The following WDR41 variants were observed in gnomAD, a reference collection of about 807,000 sequenced individuals.
WDR41 encodes the protein WD repeat domain 41, also known as WD repeat-containing protein 41.
WDR41 carries 63 observed loss-of-function variants against 69.3 expected under a neutral mutation model. The ratio of observed to expected loss-of-function variants is 0.91; its 90% CI spans 0.74 to 1.12. The LOEUF is 1.12. WDR41 is among the 50% of genes most tolerant of loss of function. The pLI, the probability that WDR41 is intolerant of heterozygous loss-of-function variation, is 0.00. For synonymous variants in WDR41, 185 were observed against 192.1 expected (o/e 0.96, Z 0.31); for missense variants, 543 against 534.5 (o/e 1.02, Z -0.16).
intron 1 of WDR41, among the ~76,000 whole-genome samples, chr5:77,573,088 C>T (rs1045024971): frequency 2.0e-5 from 3 of 152,298 alleles, no homozygotes; most frequent in Non-Finnish European, 2.9e-5. Flanking sequence ...TCACTACCCT[C>T]AAAGAACTTA....
chr5:77,537,355 C>T (rs987508), intron 1 of WDR41, among the ~76,000 whole-genome samples: 5,344 of 152,290 alleles, frequency 0.035, 218 homozygotes, highest in Admixed American at 0.11. Context: ...CCATGCAGAT[C>T]CACATGGGGA....
chr5:77,497,771 A>G (rs1801956589), intron 1 of WDR41, among the ~76,000 whole-genome samples: 1 of 152,224 alleles, frequency 6.6e-6, no homozygotes, highest in South Asian at 2.1e-4. Flanking sequence ...AATGAAAGCA[A>G]GGACTCAACA....
intron 1 of WDR41, among the ~76,000 whole-genome samples, chr5:77,529,798 T>C (rs1461747627): frequency 6.6e-6 from 1 of 151,654 alleles, no homozygotes; most frequent in Non-Finnish European, 1.5e-5. Flanking sequence ...TAAATGGTTC[T>C]GGAAAAATTG....
rs1258329064 is a variant in WDR41 at position 77,432,493 on chromosome 5, A to G, written c.*642T>C. ...CATGAGGGGCAGTTGTTGTTCTAGT[A>G]CCCATTTAGCCCATGGCTCTTCAAG... On this transcript the variant is annotated 3_prime_UTR_variant, in exon 13 of 13. Coordinates refer to ENST00000296679, the MANE Select transcript of WDR41 (RefSeq NM_018268.4). 6.6e-6 allele frequency: 1 copy of G among 152,320 alleles called. No individual in the cohort carries two copies. The highest frequency in any genetic ancestry group is 2.4e-5 in the African/African-American group (1 of 41,450). The allele number at this position is 152,320 out of a possible 1,614,324, so 9.4% of individuals were successfully genotyped here.
intron 4 of WDR41, among the ~76,000 whole-genome samples, chr5:77,460,430 G>A (rs1800003698): frequency 1.3e-5 from 2 of 152,110 alleles, no homozygotes; most frequent in African/African-American, 4.8e-5. Flanking sequence ...GTATCTCACA[G>A]CCTTTTCACT....
intron 1 of WDR41, chr5:77,545,655 CT>C: frequency 2.4e-6 from 1 of 421,764 alleles, no homozygotes; most frequent in Non-Finnish European, 4.2e-6. Flanking sequence ...AGATCATTGA[CT>C]TTTTCCTGGG....
At chr5:77,529,512 G>A (rs1001555837) in intron 1 of WDR41, among the ~76,000 whole-genome samples, 1 of 151,456 alleles carries the variant, frequency 6.6e-6, no homozygotes, top group Non-Finnish European at 1.5e-5. Context: ...AAAACTTTAC[G>A]AGTTGATTAT....
chr5:77,588,796 A>G (rs1464896333), intron 1 of WDR41, among the ~76,000 whole-genome samples: 1 of 150,904 alleles, frequency 6.6e-6, no homozygotes, highest in Non-Finnish European at 1.5e-5. Flanking sequence ...TTTTGTTTTA[A>G]AAAAAATCTT....
intron 1 of WDR41, among the ~76,000 whole-genome samples, chr5:77,565,648 C>T (rs1386903067): frequency 1.3e-5 from 2 of 152,034 alleles, no homozygotes; most frequent in Admixed American, 1.3e-4. Flanking sequence ...CATCTACCCA[C>T]CAATATAAAC....
intron 1 of WDR41, among the ~76,000 whole-genome samples, chr5:77,525,704 C>T (rs140718636): frequency 1.8e-3 from 269 of 152,246 alleles, no homozygotes; most frequent in African/African-American, 6.2e-3. Context: ...TGTATATGTT[C>T]CCAATTCCAA....
At chr5:77,456,711 A>T (rs1799848727) in intron 5 of WDR41, among the ~76,000 whole-genome samples, 1 of 151,592 alleles carries the variant, frequency 6.6e-6, no homozygotes, top group South Asian at 2.1e-4. Flanking sequence ...TTATTTTATT[A>T]TTTTTTTTGA....
chr5:77,564,114 C>T (rs1743572921), intron 1 of WDR41, among the ~76,000 whole-genome samples: 1 of 152,130 alleles, frequency 6.6e-6, no homozygotes, highest in African/African-American at 2.4e-5. Context: ...ATAAAGACAG[C>T]ACCAAACATA....
At chr5:77,556,806 A>C (rs913710919) in intron 1 of WDR41, among the ~76,000 whole-genome samples, 1 of 152,218 alleles carries the variant, frequency 6.6e-6, no homozygotes, top group Non-Finnish European at 1.5e-5. Flanking sequence ...AGAACAGGAC[A>C]GGCATCCAAG....
intron 1 of WDR41, among the ~76,000 whole-genome samples, chr5:77,501,952 C>T (rs3911635): frequency 0.63 from 95,773 of 151,976 alleles, 31,809 homozygotes; most frequent in African/African-American, 0.84. Context: ...AAATTCTAAA[C>T]ACCAGAGTAC....
chr5:77,453,451 T>C (rs1236869997), intron 6 of WDR41, among the ~76,000 whole-genome samples: 1 of 152,152 alleles, frequency 6.6e-6, no homozygotes, highest in East Asian at 1.9e-4. Context: ...ATCTTTTTGG[T>C]AAGGACAATT....
chr5:77,523,777 G>T lies in WDR41; in HGVS notation c.43-34205C>A, dbSNP rs1029788964. 5.3e-5 allele frequency among the ~76,000 whole-genome samples: 8 copies of T among 152,124 alleles called. No homozygotes were observed. The South Asian group carries it at 6.2e-4, about 12-fold the overall frequency. On this transcript the variant is annotated intron_variant, in intron 1 of 5. Coordinates refer to the WDR41 transcript ENST00000509971. ...CTATAAAGAATAAATATCAAATTGA[G>T]AGTTCAATAAGACAATTTTGAACTT...
At chr5:77,509,536 G>T (rs1175492813) in intron 1 of WDR41, among the ~76,000 whole-genome samples, 1 of 152,164 alleles carries the variant, frequency 6.6e-6, no homozygotes, top group Non-Finnish European at 1.5e-5. Flanking sequence ...ATACAGTACT[G>T]ACACAGGCTG....
Position 77,489,574 on chromosome 5 carries a change from T to A in WDR41, c.52-2A>T. ...ACCTATTGTCTGTAAAGGAGATTTC[T>A]TGTATTGAAAAAAAAAAAAAAGCAA... On this transcript the variant is annotated splice_acceptor_variant, in intron 1 of 12. Transcript: ENST00000296679. LOFTEE classifies it high-confidence loss of function. The A allele has an allele frequency of 2.0e-6, 3 of 1,500,614 alleles. No homozygotes were observed. Among genetic ancestry groups the A allele is most frequent in the Non-Finnish European group, 2.6e-6 (3 of 1,137,216 alleles). The allele number at this position is 1,500,614 out of a possible 1,614,324, so 93.0% of individuals were successfully genotyped here. A position where few individuals can be genotyped will look rare whatever the true frequency, so the allele number is the denominator to read the frequency against.
At chr5:77,475,105 C>T (rs145617716) in intron 2 of WDR41, among the ~76,000 whole-genome samples, 30 of 152,238 alleles carry the variant, frequency 2.0e-4, no homozygotes, top group African/African-American at 5.8e-4. Flanking sequence ...TGCGCTTTTC[C>T]GACGGGCTTA....
Sources: allele counts gnomAD v4.1 joint callset (sites outside exome capture counted in the v4.1 genomes callset), GRCh38; gene constraint gnomAD v4.1.1; transcripts MANE v1.5; gene names NCBI Gene and HGNC (gene_info 2026-07-23, HGNC 2026-07-21).